Variants in CASS4 observed in about 807,000 individuals in gnomAD.
CASS4 encodes the protein cas scaffolding protein family member 4.
A neutral mutation model predicts 54.2 loss-of-function variants in CASS4; 22 were observed. The ratio of observed to expected loss-of-function variants is 0.41; its 90% confidence interval spans 0.29 to 0.58. The LOEUF (loss-of-function observed/expected upper bound fraction) is 0.58, where lower values mean the gene tolerates loss of function less well. Among genes scored for constraint, CASS4 ranks in the 20% least tolerant of loss-of-function variants. The pLI is 0.36. For synonymous variants in CASS4, 409 were observed against 391.5 expected, an observed-to-expected ratio of 1.04 and a Z score of -0.53; for missense variants, 854 against 986.7, an observed-to-expected ratio of 0.87 and a Z score of 1.80.
At position 56,437,577 on chromosome 20, in the gene CASS4, T is replaced by C; in HGVS notation, c.450T>C (p.Phe150=). 6.5e-7 allele frequency: 1 copy of C among 1,534,342 alleles called. No individual in the cohort carries two copies. The highest frequency in any genetic ancestry group is 1.3e-5 in the South Asian group (1 of 78,594). Residue 150 remains phenylalanine, a synonymous_variant, in exon 2 of 6, where the codon TTT becomes TTC. Transcript: ENST00000679887. The surrounding 1 kb of genome is among the most constrained non-coding windows in gnomAD (Gnocchi z 4.7). The stretch of plus-strand genomic sequence containing the variant: ...TCATCTGTGAAAAGACTCTCAGCTT[T>C]CCAAAACAGGTACGCATACTTCCAC... The part of the protein sequence containing the change: ...ARIICEKTLS[F]PKQAILTLPR...
intron 2 of CASS4, among the ~76,000 whole-genome samples, chr20:56,441,079 C>T (rs978522557): frequency 6.6e-6 from 1 of 151,152 alleles, no homozygotes; most frequent in African/African-American, 2.4e-5. Flanking sequence ...ACCTCTGCCT[C>T]CTGGGTTCAA....
intron 1 of CASS4, among the ~76,000 whole-genome samples, chr20:56,418,250 G>T (rs916791561): frequency 6.6e-6 from 1 of 152,204 alleles, no homozygotes; most frequent in African/African-American, 2.4e-5. Flanking sequence ...AGCTTTCCAG[G>T]AAGAGGGAAC....
At chr20:56,450,822 T>C (rs1470589616) in intron 4 of CASS4, 143 bp downstream of exon 4, 6 of 676,516 alleles carry the variant, frequency 8.9e-6, no homozygotes, top group African/African-American at 7.2e-5. Flanking sequence ...TCACCTGAGG[T>C]TGGGAGTTCA....
chr20:56,438,902 T>G (rs1415931995), intron 2 of CASS4, among the ~76,000 whole-genome samples: 1 of 152,220 alleles, frequency 6.6e-6, no homozygotes, highest in Non-Finnish European at 1.5e-5. Flanking sequence ...GAATTCTGTA[T>G]GTGAGTGTGT....
At chr20:56,447,872 GT>G (rs1487913749) in intron 3 of CASS4, among the ~76,000 whole-genome samples, 1 of 152,344 alleles carries the variant, frequency 6.6e-6, no homozygotes, top group Non-Finnish European at 1.5e-5. Context: ...GCCGGGCGCG[GT>G]GGCTCACGCC....
At chr20:56,433,446 G>A (rs1600756451) in intron 1 of CASS4, among the ~76,000 whole-genome samples, 1 of 152,160 alleles carries the variant, frequency 6.6e-6, no homozygotes, top group African/African-American at 2.4e-5. Flanking sequence ...ATCACACAGG[G>A]CCTTGATGGT....
At chr20:56,434,436 C>CTTAT (rs200954227) in intron 1 of CASS4, among the ~76,000 whole-genome samples, 11 of 151,806 alleles carry the variant, frequency 7.2e-5, no homozygotes, top group East Asian at 1.9e-4. Flanking sequence ...TCACAATTTA[C>CTTAT]TTATTTATTT....
At chr20:56,427,348 T>C (rs1025924767) in intron 1 of CASS4, among the ~76,000 whole-genome samples, 2 of 152,086 alleles carry the variant, frequency 1.3e-5, no homozygotes, top group African/African-American at 4.8e-5. Context: ...GGGAAAAATG[T>C]AGGTGGTGAG....
intron 1 of CASS4, among the ~76,000 whole-genome samples, chr20:56,426,239 C>G (rs907321460): frequency 2.0e-5 from 3 of 152,232 alleles, no homozygotes; most frequent in Admixed American, 2.0e-4. Flanking sequence ...TACTTTCTCA[C>G]CCTCTCTGTG....
intron 2 of CASS4, among the ~76,000 whole-genome samples, chr20:56,441,280 T>C (rs968380592): frequency 6.6e-6 from 1 of 150,674 alleles, no homozygotes; most frequent in African/African-American, 2.4e-5. Flanking sequence ...AGGCGTGAGC[T>C]ACTGTGCCCA....
chr20:56,443,393 C>T (rs564896405), intron 2 of CASS4, among the ~76,000 whole-genome samples: 2 of 147,162 alleles, frequency 1.4e-5, no homozygotes, highest in East Asian at 4.2e-4. Context: ...CGCTTGAACC[C>T]GGGAGGTGGA....
intron 1 of CASS4, among the ~76,000 whole-genome samples, chr20:56,421,288 C>T (rs918553205): frequency 1.6e-4 from 25 of 152,242 alleles, no homozygotes; most frequent in South Asian, 4.1e-4. Flanking sequence ...TGGGTAACAT[C>T]GCTGAGGGAC....
chr20:56,451,173 C>T (rs984936495), intron 4 of CASS4, among the ~76,000 whole-genome samples: 6 of 152,082 alleles, frequency 3.9e-5, no homozygotes, highest in Admixed American at 2.0e-4. Flanking sequence ...TGGGATAAGT[C>T]GTTTAACTTC....
intron 1 of CASS4, among the ~76,000 whole-genome samples, chr20:56,413,016 C>T (rs73156368): frequency 0.13 from 19,358 of 151,950 alleles, 1,817 homozygotes; most frequent in African/African-American, 0.25. Flanking sequence ...TCATGCCTGT[C>T]ATGAATCAAA....
Position 56,437,380 on chromosome 20 carries a change from A to G in CASS4, c.253A>G (p.Arg85Gly). ...AADRPCPPFL[R>G]GLEEAPASSE... ...AGACAGGCCGTGCCCCCCATTCCTGAGAGGCCTGGAAGAAGCTCCTGCCAG... is the reference window on the plus strand; with the variant it reads ...AGACAGGCCGTGCCCCCCATTCCTGGGAGGCCTGGAAGAAGCTCCTGCCAG... Residue 85 changes from arginine (R) to glycine (G), a missense_variant, in exon 2 of 6, where the codon AGA (arginine) becomes GGA (glycine). Coordinates refer to ENST00000679887, the MANE Select transcript of CASS4 (RefSeq NM_020356.4). The surrounding 1 kb of genome is among the most constrained non-coding windows in gnomAD (Gnocchi z 4.7). 6.2e-7 allele frequency: 1 copy of G among 1,614,088 alleles called. No homozygotes were observed. Among genetic ancestry groups the G allele is most frequent in the Non-Finnish European group, 8.5e-7 (1 of 1,179,962 alleles).
At chr20:56,445,668 A>T (rs1438397878) in intron 2 of CASS4, among the ~76,000 whole-genome samples, 1 of 152,132 alleles carries the variant, frequency 6.6e-6, no homozygotes, top group Non-Finnish European at 1.5e-5. Flanking sequence ...TTCCCAGGTG[A>T]GGCAGGTAAA....
chr20:56,413,260 T>A (rs1329046601), intron 1 of CASS4, among the ~76,000 whole-genome samples: 1 of 152,048 alleles, frequency 6.6e-6, no homozygotes, highest in Non-Finnish European at 1.5e-5. Flanking sequence ...CTCAAGGTTG[T>A]GTTTTCATCT....
In CASS4 at chr20:56,437,312, T is replaced by C; in HGVS notation, c.185T>C (p.Leu62Pro). ...WKCLLHGRQGLAPANRLQILT... is the reference protein window; with the variant it reads ...WKCLLHGRQGPAPANRLQILT... ...TGTTTGCTCCATGGGAGGCAAGGCC[T>C]GGCCCCTGCCAACCGCCTCCAAATC... Residue 62 changes from leucine to proline, a missense_variant, in exon 2 of 6, where the codon CTG becomes CCG. By Grantham distance (98) the Leu-to-Pro change is moderately conservative. Coordinates refer to ENST00000679887, the MANE Select transcript of CASS4 (RefSeq NM_020356.4). The surrounding 1 kb of genome is among the most constrained non-coding windows in gnomAD (Gnocchi z 4.7). 6.2e-7 allele frequency: 1 copy of C among 1,614,108 alleles called. No homozygotes were observed.
chr20:56,412,251 C>A, upstream of CASS4: 1 of 584,314 alleles, frequency 1.7e-6, no homozygotes. This position sits in a 1 kb window ranked among gnomAD's most constrained non-coding sequence, Gnocchi z 4.2. Context: ...TCCCCTGCTT[C>A]ACTGCTTTCA....
Sources: gnomAD v4.1 joint callset for allele counts (sites outside exome capture counted in the v4.1 genomes callset) on GRCh38, gnomAD v4.1.1 for gene constraint, Gnocchi (gnomAD v3.1) non-coding constraint, MANE v1.5 for transcripts, NCBI Gene and HGNC (gene_info 2026-07-23, HGNC 2026-07-21) for gene names.